DGKB: variants seen among roughly 807,000 people sequenced by gnomAD.
The protein encoded by DGKB is diacylglycerol kinase beta, also known as 90 kDa diacylglycerol kinase.
Under a neutral mutation model 114.3 loss-of-function variants are expected in DGKB, and 67 were observed. The ratio of observed to expected loss-of-function variants is 0.59; its 90% CI spans 0.48 to 0.72. The LOEUF (loss-of-function observed/expected upper bound fraction) is 0.72, where lower values mean the gene tolerates loss of function less well. Ranked by LOEUF, DGKB falls within the 30% of genes least tolerant of loss-of-function variation. The probability of loss-of-function intolerance (pLI) is 0.00; values close to 1 mark genes in which losing one functional copy is unlikely to be tolerated. For synonymous variants in DGKB, 398 were observed against 323.1 expected (o/e 1.23, Z -2.49); for missense variants, 907 against 975.2 (o/e 0.93, Z 0.93).
chr7:14,585,709 C>T lies in DGKB; in HGVS notation c.1434-2572G>A, dbSNP rs576183762. ...ATGTCTGTGGCAACTCTGCTTCTAG[C>T]AAGTCTATCAGTGCCATGTTTTCCA... On this transcript the variant is annotated intron_variant, in intron 17 of 25. Transcript: ENST00000402815. 3.9e-5 allele frequency among the ~76,000 whole-genome samples: 6 copies of T among 152,290 alleles called. No individual in the cohort carries two copies. The East Asian group carries it at 1.2e-3, about 29-fold the overall frequency.
chr7:14,908,066 A>G (rs1783798591), upstream of DGKB, among the ~76,000 whole-genome samples: 1 of 152,232 alleles, frequency 6.6e-6, no homozygotes, highest in Non-Finnish European at 1.5e-5. Context: ...TGGCTGTCTC[A>G]GTGATGGATG....
intron 23 of DGKB, among the ~76,000 whole-genome samples, chr7:14,183,166 A>T (rs1782890644): frequency 6.6e-6 from 1 of 152,176 alleles, no homozygotes; most frequent in Non-Finnish European, 1.5e-5. Context: ...TTTATCTAGC[A>T]ACATTATGAA....
intron 1 of DGKB, among the ~76,000 whole-genome samples, chr7:14,960,810 A>T (rs995690012): frequency 6.6e-6 from 1 of 152,170 alleles, no homozygotes; most frequent in African/African-American, 2.4e-5. Context: ...CTGTGAATAC[A>T]TTTATCTTAT....
chr7:14,472,898 C>G (rs1781623889), intron 21 of DGKB, among the ~76,000 whole-genome samples: 1 of 152,096 alleles, frequency 6.6e-6, no homozygotes, highest in Non-Finnish European at 1.5e-5. Flanking sequence ...AATTTCTAAA[C>G]AGCAAACCAT....
chr7:14,177,527 C>T (rs913971555), intron 24 of DGKB, among the ~76,000 whole-genome samples: 1 of 127,456 alleles, frequency 7.8e-6, no homozygotes, highest in African/African-American at 3.1e-5. Flanking sequence ...GCACTCCAGC[C>T]TGGGCAACAA....
chr7:14,683,082 AT>A (rs1472860935), intron 10 of DGKB, among the ~76,000 whole-genome samples: 1 of 152,174 alleles, frequency 6.6e-6, no homozygotes, highest in African/African-American at 2.4e-5. Flanking sequence ...ATAGCAGGAA[AT>A]GCTTAATTAA....
At chr7:14,368,197 T>G (rs1027329053) in intron 21 of DGKB, among the ~76,000 whole-genome samples, 2 of 150,972 alleles carry the variant, frequency 1.3e-5, no homozygotes, top group Non-Finnish European at 1.5e-5. Context: ...ACGTTTATTA[T>G]AATTGATGGA....
At chr7:14,877,098 T>C (rs1476825599) in intron 1 of DGKB, among the ~76,000 whole-genome samples, 1 of 152,178 alleles carries the variant, frequency 6.6e-6, no homozygotes, top group African/African-American at 2.4e-5. Flanking sequence ...TTTTTTCTCA[T>C]ATAACAATGC....
intron 7 of DGKB, among the ~76,000 whole-genome samples, chr7:14,701,195 C>G (rs1411571637): frequency 6.6e-6 from 1 of 152,148 alleles, no homozygotes; most frequent in Non-Finnish European, 1.5e-5. Flanking sequence ...TGAAAGCAAT[C>G]TGTAAATACA....
At chr7:14,714,524 T>A (rs1418879160) in intron 6 of DGKB, among the ~76,000 whole-genome samples, 1 of 151,770 alleles carries the variant, frequency 6.6e-6, no homozygotes, top group East Asian at 1.9e-4. Context: ...AGAAAAAAAA[T>A]AAGTATGTTA....
At chr7:14,208,823 G>T (rs1405262528) in intron 23 of DGKB, among the ~76,000 whole-genome samples, 2 of 151,272 alleles carry the variant, frequency 1.3e-5, no homozygotes, top group Non-Finnish European at 2.9e-5. Context: ...AGTCCTATAT[G>T]AGTGCTCCAA....
chr7:14,751,107 C>T (rs1002463217), intron 4 of DGKB, among the ~76,000 whole-genome samples: 16 of 152,002 alleles, frequency 1.1e-4, no homozygotes, highest in Non-Finnish European at 2.1e-4. Flanking sequence ...GCCACCATAC[C>T]TGGCCAAAAA....
At chr7:14,650,862 C>A (rs1371047180) in intron 13 of DGKB, among the ~76,000 whole-genome samples, 1 of 151,544 alleles carries the variant, frequency 6.6e-6, no homozygotes, top group Non-Finnish European at 1.5e-5. Context: ...GAGAATAATA[C>A]AAACACCTCT....
chr7:14,397,621 T>C (rs1244465680), intron 21 of DGKB, among the ~76,000 whole-genome samples: 2 of 152,128 alleles, frequency 1.3e-5, no homozygotes, highest in East Asian at 1.9e-4. Context: ...TATCACTATG[T>C]GTGACCTGCA....
chr7:14,398,109 C>T (rs1256461906), intron 21 of DGKB, among the ~76,000 whole-genome samples: 1 of 152,046 alleles, frequency 6.6e-6, no homozygotes, highest in Non-Finnish European at 1.5e-5. Flanking sequence ...AAATGCTCAC[C>T]TATTGCAACT....
chr7:14,361,814 T>A (rs371463957), intron 21 of DGKB, among the ~76,000 whole-genome samples: 33 of 152,146 alleles, frequency 2.2e-4, no homozygotes, highest in African/African-American at 7.9e-4. Flanking sequence ...AAGATAAAAC[T>A]TGTTTCAATT....
chr7:14,761,677 G>A (rs1207678258), intron 2 of DGKB, among the ~76,000 whole-genome samples: 2 of 152,178 alleles, frequency 1.3e-5, no homozygotes, highest in Non-Finnish European at 1.5e-5. Flanking sequence ...AGAGCTTCGG[G>A]AAAGAGCACA....
At chr7:14,776,591 T>A (rs4721371) in intron 2 of DGKB, among the ~76,000 whole-genome samples, 1 of 152,220 alleles carries the variant, frequency 6.6e-6, no homozygotes, top group Non-Finnish European at 1.5e-5. Flanking sequence ...GAAGCCTTGT[T>A]AGCTTCCATG....
chr7:14,631,751 C>A (rs1809755209), intron 13 of DGKB, among the ~76,000 whole-genome samples: 1 of 151,974 alleles, frequency 6.6e-6, no homozygotes, highest in South Asian at 2.1e-4. Context: ...ATTTGCCAAC[C>A]TTATTATCAT....
Sources: allele counts gnomAD v4.1 joint callset (sites outside exome capture counted in the v4.1 genomes callset), GRCh38; gene constraint gnomAD v4.1.1; transcripts MANE v1.5; gene names NCBI Gene and HGNC (gene_info 2026-07-23, HGNC 2026-07-21).